APP: variants seen among roughly 807,000 people sequenced by gnomAD.
The protein encoded by APP is amyloid beta precursor protein, also known as amyloid-beta precursor protein.
A neutral mutation model predicts 101.4 loss-of-function variants in APP; 31 were observed. The ratio of observed to expected loss-of-function variants is 0.31; its 90% confidence interval spans 0.23 to 0.41. The LOEUF is 0.41. APP is among the 10% of genes least tolerant of loss of function. The probability of loss-of-function intolerance (pLI) is 1.00; values close to 1 mark genes in which losing one functional copy is unlikely to be tolerated. For synonymous variants in APP, 366 were observed against 364.4 expected (o/e 1.00, Z -0.05); for missense variants, 839 against 1,003.7 (o/e 0.84, Z 2.22).
chr21:26,135,694 G>C (rs957524629), intron 1 of APP, among the ~76,000 whole-genome samples: 4 of 152,134 alleles, frequency 2.6e-5, no homozygotes, highest in Non-Finnish European at 5.9e-5. Flanking sequence ...AAAGTTACTG[G>C]AAGGGCATGT....
chr21:26,131,389 G>A (rs2062793028), intron 1 of APP, among the ~76,000 whole-genome samples: 1 of 152,144 alleles, frequency 6.6e-6, no homozygotes, highest in Non-Finnish European at 1.5e-5. Context: ...ATTGTTCACA[G>A]TGATTCTATA....
At chr21:26,140,442 C>G in intron 1 of APP, 1 of 1,163,876 alleles carries the variant, frequency 8.6e-7, no homozygotes, top group Non-Finnish European at 1.2e-6. Flanking sequence ...CAATGGACAA[C>G]CAAAGCCTCC....
chr21:26,015,225 T>C (rs538500618), intron 6 of APP, among the ~76,000 whole-genome samples: 1 of 147,612 alleles, frequency 6.8e-6, no homozygotes, highest in African/African-American at 2.5e-5. Context: ...TAAACATTAG[T>C]TTGCTAATGT....
chr21:25,935,390 T>C (rs1358763912), intron 13 of APP: 1 of 152,186 alleles, frequency 6.6e-6, no homozygotes, highest in Non-Finnish European at 1.5e-5. Flanking sequence ...ATGGTATGAG[T>C]GTTTAGTAGC....
At chr21:25,987,766 A>G (rs1459769772) in intron 8 of APP, among the ~76,000 whole-genome samples, 1 of 152,096 alleles carries the variant, frequency 6.6e-6, no homozygotes, top group Non-Finnish European at 1.5e-5. Flanking sequence ...TGGACAAACT[A>G]TCCTGCCTTT....
chr21:26,134,131 G>A (rs2062849317), intron 1 of APP, among the ~76,000 whole-genome samples: 1 of 152,164 alleles, frequency 6.6e-6, no homozygotes. Flanking sequence ...AACCACAGGT[G>A]CACACCACCA....
rs1419463689 is a variant in APP at position 25,925,793 on chromosome 21, A to T, written c.1688-13831T>A. Among the ~76,000 whole-genome samples the T allele has an allele frequency of 2.0e-5, 3 of 152,208 alleles. No individual in the cohort carries two copies. In the East Asian group the frequency reaches 5.8e-4, roughly 29 times the overall value. On this transcript the variant is annotated intron_variant, in intron 13 of 17. Transcript: ENST00000346798. ...TACTAAAAAAATACAAAAATTAGCC[A>T]GGCACGGTGGTGTGTGCCTGTAATC... is the stretch of plus-strand genomic sequence containing the variant.
At chr21:25,905,749 T>G (rs1221838877) in intron 14 of APP, among the ~76,000 whole-genome samples, 1 of 152,214 alleles carries the variant, frequency 6.6e-6, no homozygotes, top group African/African-American at 2.4e-5. Flanking sequence ...TTGTTCACAA[T>G]TTTCCCTTTT....
intron 6 of APP, among the ~76,000 whole-genome samples, chr21:26,005,139 C>T (rs2146701291): frequency 6.6e-6 from 1 of 152,256 alleles, no homozygotes; most frequent in East Asian, 1.9e-4. Flanking sequence ...GGAAGCCAGG[C>T]ATGGTGGCTC....
chr21:25,936,093 G>A (rs1299333671), intron 13 of APP, among the ~76,000 whole-genome samples: 2 of 152,192 alleles, frequency 1.3e-5, no homozygotes, highest in Non-Finnish European at 2.9e-5. Context: ...TCTACCCAAA[G>A]TATGAATAAG....
chr21:25,898,348 G>A (rs2038219914), intron 15 of APP, among the ~76,000 whole-genome samples: 1 of 152,128 alleles, frequency 6.6e-6, no homozygotes, highest in Non-Finnish European at 1.5e-5. Context: ...ATTGCTATAT[G>A]ATTCTTAACA....
intron 1 of APP, among the ~76,000 whole-genome samples, chr21:26,131,057 C>T (rs2062783825): frequency 6.6e-6 from 1 of 151,974 alleles, no homozygotes; most frequent in Non-Finnish European, 1.5e-5. Context: ...TGGAGAAACC[C>T]CTTCTCTACT....
chr21:26,120,306 C>A (rs2062537406), intron 1 of APP, among the ~76,000 whole-genome samples: 1 of 152,086 alleles, frequency 6.6e-6, no homozygotes, highest in Non-Finnish European at 1.5e-5. Context: ...GGAGTACAGG[C>A]CCATACCACC....
At chr21:25,982,315 G>A (rs975606724) in intron 9 of APP, 29 bp downstream of exon 9, 9 of 1,612,744 alleles carry the variant, frequency 5.6e-6, no homozygotes, top group African/African-American at 1.3e-5. Context: ...CAATATCGTA[G>A]GGCTGAATGA....
intron 1 of APP, among the ~76,000 whole-genome samples, chr21:26,163,233 C>CA (rs2063532636): frequency 1.9e-5 from 1 of 51,400 alleles, no homozygotes; most frequent in Admixed American, 3.1e-4. Context: ...CAGTAAAACT[C>CA]AGTCTCAAAA....
At chr21:25,923,271 A>G (rs214494) in intron 13 of APP, among the ~76,000 whole-genome samples, 90,534 of 129,378 alleles carry the variant, frequency 0.7, 35,716 homozygotes, top group Non-Finnish European at 0.87. Flanking sequence ...TAAAACCATA[A>G]AAACCCTAGA....
intron 13 of APP, among the ~76,000 whole-genome samples, chr21:25,913,201 T>C (rs549328678): frequency 1.3e-5 from 2 of 152,380 alleles, no homozygotes; most frequent in Non-Finnish European, 1.5e-5. Context: ...AATATACCCA[T>C]TAAAATAATT....
At chr21:26,063,278 A>G (rs17001662) in intron 3 of APP, among the ~76,000 whole-genome samples, 4,636 of 152,316 alleles carry the variant, frequency 0.03, 238 homozygotes, top group African/African-American at 0.1. Flanking sequence ...CTAGTTAGCT[A>G]TAGAAATATT....
chr21:25,987,683 T>C (rs937625870), intron 8 of APP, among the ~76,000 whole-genome samples: 3 of 152,234 alleles, frequency 2.0e-5, no homozygotes, highest in Admixed American at 2.0e-4. Context: ...GCCTTCTACA[T>C]AAGCCACATC....
Sources: gnomAD v4.1 joint callset for allele counts (sites outside exome capture counted in the v4.1 genomes callset) on GRCh38, gnomAD v4.1.1 for gene constraint, MANE v1.5 for transcripts, NCBI Gene and HGNC (gene_info 2026-07-23, HGNC 2026-07-21) for gene names.